AGAP1: variants seen among roughly 807,000 people sequenced by gnomAD.
AGAP1 encodes arf-GAP with GTPase, ANK repeat and PH domain-containing protein 1.
Under a neutral mutation model 105.3 loss-of-function variants are expected in AGAP1, and 29 were observed. The ratio of observed to expected loss-of-function variants is 0.28; its 90% CI spans 0.21 to 0.38. The LOEUF is 0.38. Ranked by LOEUF, AGAP1 falls within the 10% of genes least tolerant of loss-of-function variation. AGAP1 has a pLI of 1.00. For missense variants in AGAP1, 998 were observed against 1,165.1 expected (o/e 0.86, Z 2.09); for synonymous variants, 509 against 485.9 (o/e 1.05, Z -0.63).
At chr2:235,630,876 G>A (rs1030541039) in intron 1 of AGAP1, among the ~76,000 whole-genome samples, 2 of 152,132 alleles carry the variant, frequency 1.3e-5, no homozygotes, top group African/African-American at 4.8e-5. Flanking sequence ...CTGTGTGCTG[G>A]CCCAGCCCGT....
chr2:236,002,080 A>G lies in AGAP1; in HGVS notation c.1645+33457A>G, dbSNP rs2056145106. On this transcript the variant is annotated intron_variant, in intron 13 of 17. Coordinates refer to ENST00000304032, the MANE Select transcript of AGAP1 (RefSeq NM_001037131.3). The surrounding 1 kb of genome is among the most constrained non-coding windows in gnomAD (Gnocchi z 4.3). Reference sequence around the variant, plus strand: ...TTGGGATGTCTGTGTTGACAGGGCCATGGGTGAGAACAGAGAGTTTCTCAA... The same window carrying G: ...TTGGGATGTCTGTGTTGACAGGGCCGTGGGTGAGAACAGAGAGTTTCTCAA... Among the ~76,000 whole-genome samples, 1 of 152,206 alleles carries G rather than the reference A, an allele frequency of 6.6e-6. No individual in the cohort carries two copies.
At chr2:235,542,305 A>G (rs923579362) in intron 1 of AGAP1, among the ~76,000 whole-genome samples, 10 of 152,184 alleles carry the variant, frequency 6.6e-5, no homozygotes, top group Admixed American at 5.2e-4. Flanking sequence ...GGCCAGGGCC[A>G]GGGACTTGGC....
intron 1 of AGAP1, among the ~76,000 whole-genome samples, chr2:235,508,098 G>T (rs1030832606): frequency 1.3e-5 from 2 of 152,126 alleles, no homozygotes; most frequent in African/African-American, 4.8e-5. Flanking sequence ...CCATTTTGCT[G>T]CACAGGGCGT....
chr2:235,843,737 G>T lies in AGAP1; in HGVS notation c.1050+36406G>T, dbSNP rs566640170. The stretch of plus-strand genomic sequence containing the variant: ...TTTTCATCTCATCAGCCTAGCTCCC[G>T]GCAGGACCTCCCCACTGGACTTTTC... On this transcript the variant is annotated intron_variant, in intron 9 of 17. Coordinates refer to ENST00000304032, the MANE Select transcript of AGAP1 (RefSeq NM_001037131.3). The surrounding 1 kb of genome is among the most constrained non-coding windows in gnomAD (Gnocchi z 5.9). Among the ~76,000 whole-genome samples the T allele has an allele frequency of 6.6e-6, 1 of 152,118 alleles. No homozygotes were observed. Among genetic ancestry groups the T allele is most frequent in the Non-Finnish European group, 1.5e-5 (1 of 68,028 alleles).
Position 235,691,734 on chromosome 2 carries a change from C to G in AGAP1, c.164-17445C>G, listed in dbSNP as rs1165812478. 6.6e-6 allele frequency among the ~76,000 whole-genome samples: 1 copy of G among 152,228 alleles called. No homozygotes were observed. The highest frequency in any genetic ancestry group is 2.4e-5 in the African/African-American group (1 of 41,466). On this transcript the variant is annotated intron_variant, in intron 1 of 17. Coordinates refer to ENST00000304032, the MANE Select transcript of AGAP1 (RefSeq NM_001037131.3). The surrounding 1 kb of genome is among the most constrained non-coding windows in gnomAD (Gnocchi z 4.4). Reference sequence around the variant, plus strand: ...CTCTTGGTCTGGGGACCACGCCTCCCTTCCCTTCCTTCCCTGTCCTGAGTG... The same window carrying G: ...CTCTTGGTCTGGGGACCACGCCTCCGTTCCCTTCCTTCCCTGTCCTGAGTG...
rs2055483760 is a variant in AGAP1 at position 235,989,808 on chromosome 2, A to G, written c.1645+21185A>G. Among the ~76,000 whole-genome samples the G allele has an allele frequency of 3.9e-5, 6 of 152,202 alleles. No individual in the cohort carries two copies. The South Asian group carries it at 1.2e-3, about 31-fold the overall frequency. On this transcript the variant is annotated intron_variant, in intron 13 of 17. Coordinates refer to ENST00000304032, the MANE Select transcript of AGAP1 (RefSeq NM_001037131.3). The surrounding 1 kb of genome is among the most constrained non-coding windows in gnomAD (Gnocchi z 4.4). ...GACGTGCATGGAGTGGAACGGTCAC[A>G]GCAGCAGCTCACAGGGAGGGACAGC...
intron 1 of AGAP1, among the ~76,000 whole-genome samples, chr2:235,534,611 C>T (rs766312664): frequency 3.9e-5 from 6 of 152,166 alleles, no homozygotes; most frequent in Non-Finnish European, 7.3e-5. Flanking sequence ...TGTTTATATA[C>T]ATGTTCATGT....
chr2:235,645,014 G>C (rs1339243290), intron 1 of AGAP1, among the ~76,000 whole-genome samples: 1 of 151,936 alleles, frequency 6.6e-6, no homozygotes, highest in Non-Finnish European at 1.5e-5. Context: ...TCCTGCCTCA[G>C]CCTGCTGAGT....
At position 235,633,993 on chromosome 2, in the gene AGAP1, C is replaced by T. The variant is rs1300380026; in HGVS notation, c.164-75186C>T. On this transcript the variant is annotated intron_variant, in intron 1 of 17. Transcript: ENST00000304032. The surrounding 1 kb of genome is among the most constrained non-coding windows in gnomAD (Gnocchi z 4.8). ...TTTTCCGAGCCCCAGCAAGCCCCTCCCTGCAAAGTTGCAGCCCCCAGCAAG... is the reference window on the plus strand; with the variant it reads ...TTTTCCGAGCCCCAGCAAGCCCCTCTCTGCAAAGTTGCAGCCCCCAGCAAG... 6.6e-6 allele frequency among the ~76,000 whole-genome samples: 1 copy of T among 152,014 alleles called. No homozygotes were observed. The highest frequency in any genetic ancestry group is 1.5e-5 in the Non-Finnish European group (1 of 68,002).
chr2:235,648,771 C>T (rs1947480331), intron 1 of AGAP1, among the ~76,000 whole-genome samples: 2 of 151,752 alleles, frequency 1.3e-5, no homozygotes, highest in East Asian at 1.9e-4. Flanking sequence ...CCTGTAGCCC[C>T]AGCTACTCGG....
chr2:235,525,379 A>G (rs1559223469), intron 1 of AGAP1, among the ~76,000 whole-genome samples: 1 of 127,004 alleles, frequency 7.9e-6, no homozygotes, highest in Non-Finnish European at 1.7e-5. Flanking sequence ...GGACTGATTT[A>G]TAAAGTAGAG....
In AGAP1 at chr2:235,769,443, T is replaced by G. The variant is rs1268182453; in HGVS notation, c.673+18955T>G. Among the ~76,000 whole-genome samples, 1 of 152,234 alleles carries G rather than the reference T, an allele frequency of 6.6e-6. No homozygotes were observed. The highest frequency in any genetic ancestry group is 1.5e-5 in the Non-Finnish European group (1 of 68,046). On this transcript the variant is annotated intron_variant, in intron 6 of 17. Transcript: ENST00000304032. This position sits in a 1 kb window ranked among gnomAD's most constrained non-coding sequence, Gnocchi z 4.4. ...TTGGCTTATGCTACTAAATAATGTT[T>G]TAAGGAATTGGAGTTTTGCGAGGAG... is the stretch of plus-strand genomic sequence containing the variant.
rs1018781408 is a variant in AGAP1 at position 236,038,725 on chromosome 2, T to C, written c.1800+2010T>C. 6.6e-6 allele frequency among the ~76,000 whole-genome samples: 1 copy of C among 152,034 alleles called. No individual in the cohort carries two copies. The highest frequency in any genetic ancestry group is 1.5e-5 in the Non-Finnish European group (1 of 68,020). ...TACCTGCCAGTGGATAATTGAGAGC[T>C]GATACAGGTATAGGCATAGCTAGAC... is the stretch of plus-strand genomic sequence containing the variant. On this transcript the variant is annotated intron_variant, in intron 14 of 17. Transcript: ENST00000304032. This position sits in a 1 kb window ranked among gnomAD's most constrained non-coding sequence, Gnocchi z 4.5.
chr2:235,680,702 C>T (rs573757373), intron 1 of AGAP1, among the ~76,000 whole-genome samples: 2 of 151,956 alleles, frequency 1.3e-5, no homozygotes, highest in East Asian at 2.0e-4. Flanking sequence ...CATCCTGGCG[C>T]GGGTCTCCTG....
At chr2:235,498,035 G>A (rs1941397121) in intron 1 of AGAP1, among the ~76,000 whole-genome samples, 1 of 139,418 alleles carries the variant, frequency 7.2e-6, no homozygotes. Flanking sequence ...GGAGTGAGGT[G>A]CAGCCTTGTC....
intron 1 of AGAP1, among the ~76,000 whole-genome samples, chr2:235,658,850 C>G (rs556781329): frequency 6.6e-6 from 1 of 152,172 alleles, no homozygotes; most frequent in Non-Finnish European, 1.5e-5. Context: ...CCCTCCCCCT[C>G]GGAATACCCG....
At chr2:235,498,481 G>A (rs1941418160) in intron 1 of AGAP1, among the ~76,000 whole-genome samples, 1 of 152,228 alleles carries the variant, frequency 6.6e-6, no homozygotes, top group South Asian at 2.1e-4. Context: ...ATGAGCCTGA[G>A]AGCCATCTCG....
chr2:235,743,973 C>CA (rs1476163829), intron 4 of AGAP1, among the ~76,000 whole-genome samples: 4 of 152,166 alleles, frequency 2.6e-5, no homozygotes, highest in Non-Finnish European at 4.4e-5. Flanking sequence ...ATATGCCTGA[C>CA]AGTGTGGGTA....
Position 236,046,097 on chromosome 2 carries a change from A to G in AGAP1, c.1892-2962A>G, listed in dbSNP as rs1413907186. 1 of 457,032 alleles carries G rather than the reference A, an allele frequency of 2.2e-6. No individual in the cohort carries two copies. Among genetic ancestry groups the G allele is most frequent in the Non-Finnish European group, 4.6e-6 (1 of 216,576 alleles). The allele number at this position is 457,032 out of a possible 1,614,324, so 28.3% of individuals were successfully genotyped here. Reference sequence around the variant, plus strand: ...TGAGTGGCTTCTGTATCTGCAACCCACAGCGGCATGGAGGGCGGTGGGGTG... The same window carrying G: ...TGAGTGGCTTCTGTATCTGCAACCCGCAGCGGCATGGAGGGCGGTGGGGTG... On this transcript the variant is annotated intron_variant, in intron 15 of 17. Coordinates refer to ENST00000304032, the MANE Select transcript of AGAP1 (RefSeq NM_001037131.3). The surrounding 1 kb of genome is among the most constrained non-coding windows in gnomAD (Gnocchi z 5.2).
Sources: allele counts gnomAD v4.1 joint callset (sites outside exome capture counted in the v4.1 genomes callset), GRCh38; gene constraint gnomAD v4.1.1; non-coding constraint Gnocchi (gnomAD v3.1); transcripts MANE v1.5; gene names NCBI Gene and HGNC (gene_info 2026-07-23, HGNC 2026-07-21).